The following IL23R variants were observed in gnomAD, a reference collection of about 807,000 sequenced individuals.
IL23R encodes the protein interleukin-23 receptor.
Under a neutral mutation model 56.9 loss-of-function variants are expected in IL23R, and 34 were observed. The observed-to-expected ratio is 0.60, with a 90% CI of 0.45 to 0.80. The LOEUF is 0.80. Among genes scored for constraint, IL23R ranks in the 30% least tolerant of loss-of-function variants. IL23R has a pLI of 0.00. For synonymous variants in IL23R, 230 were observed against 249.2 expected (o/e 0.92, Z 0.73); for missense variants, 635 against 730.0 (o/e 0.87, Z 1.50).
intron 7 of IL23R, among the ~76,000 whole-genome samples, chr1:67,227,982 CTTTCTT>C (rs1558253936): frequency 8.9e-5 from 8 of 89,530 alleles, no homozygotes; most frequent in South Asian, 3.1e-4. Context: ...TTCTTTCTTT[CTTTCTT>C]TCTTTCTTTC....
chr1:67,247,245 G>T (rs992199816), intron 9 of IL23R, among the ~76,000 whole-genome samples: 3 of 150,470 alleles, frequency 2.0e-5, no homozygotes, highest in African/African-American at 7.3e-5. Context: ...CTACTGATGG[G>T]TCTTATTCTT....
At chr1:67,256,814 G>A (rs1652977489) in intron 10 of IL23R, among the ~76,000 whole-genome samples, 1 of 152,170 alleles carries the variant, frequency 6.6e-6, no homozygotes, top group Non-Finnish European at 1.5e-5. Flanking sequence ...GCTCTGGTAA[G>A]CCTATTAGCT....
intron 4 of IL23R, among the ~76,000 whole-genome samples, chr1:67,195,152 C>T (rs1461032211): frequency 6.6e-6 from 1 of 152,210 alleles, no homozygotes; most frequent in Non-Finnish European, 1.5e-5. Context: ...CAATCCTCAG[C>T]TTCCTGAGTA....
downstream of IL23R, among the ~76,000 whole-genome samples, chr1:67,261,082 CTT>C (rs34219944): frequency 6.9e-6 from 1 of 144,224 alleles, no homozygotes. Flanking sequence ...TTTTGTTTTA[CTT>C]TTTTTTTTTT....
chr1:67,201,094 T>C (rs113502998), intron 5 of IL23R, among the ~76,000 whole-genome samples, 197 bp downstream of exon 5: 9 of 147,274 alleles, frequency 6.1e-5, no homozygotes, highest in African/African-American at 2.0e-4. Flanking sequence ...TGTATATCCT[T>C]CCAGTCTTAT....
At chr1:67,246,326 A>G (rs1652220588) in intron 9 of IL23R, among the ~76,000 whole-genome samples, 1 of 151,732 alleles carries the variant, frequency 6.6e-6, no homozygotes, top group African/African-American at 2.4e-5. Context: ...TGCTTCTCTG[A>G]TCTTAGTTAC....
rs1558254039 is a variant in IL23R, at chr1:67,228,011, TTTCTTTCTTCC to T, written c.955+8284_955+8294del. Among the ~76,000 whole-genome samples the T allele has an allele frequency of 3.7e-3, 357 of 96,306 alleles. 43 individuals are homozygous for T. Among genetic ancestry groups the T allele is most frequent in the African/African-American group, 9.3e-3 (218 of 23,418 alleles). 63.2% of individuals were successfully genotyped at this position (96,306 alleles called of 152,430 possible). ...CTTTCTTTCTTTCTTTCTTTCTTTC[TTTCTTTCTTCC>T]TTTCTTTCTTTTCTTTCTTTCTCTT... On this transcript the variant is annotated intron_variant, in intron 7 of 10. Transcript: ENST00000347310.
At chr1:67,227,763 C>T (rs1650713880) in intron 7 of IL23R, among the ~76,000 whole-genome samples, 1 of 152,068 alleles carries the variant, frequency 6.6e-6, no homozygotes, top group South Asian at 2.1e-4. Flanking sequence ...GGTTACTAAC[C>T]CATGTTAAAC....
intron 4 of IL23R, among the ~76,000 whole-genome samples, chr1:67,189,827 C>T (rs1008252842): frequency 1.1e-4 from 16 of 151,960 alleles, no homozygotes; most frequent in Non-Finnish European, 1.6e-4. Flanking sequence ...GGCGTGTTGG[C>T]GGGTGCCTGG....
At chr1:67,147,887 CT>C (rs908167817) in intron 1 of IL23R, among the ~76,000 whole-genome samples, 2 of 151,582 alleles carry the variant, frequency 1.3e-5, no homozygotes, top group Admixed American at 6.6e-5. Flanking sequence ...GGTCTTTGTT[CT>C]TAGAGCTCCC....
At position 67,195,847 on chromosome 1, in the gene IL23R, C is replaced by T. The variant is rs537381402; in HGVS notation, c.492-4890C>T. Reference sequence around the variant, plus strand: ...TATAGTACTTAGATGCACACATCTGCTTATTGCTTGGTATTAATAGCATAA... The same window carrying T: ...TATAGTACTTAGATGCACACATCTGTTTATTGCTTGGTATTAATAGCATAA... On this transcript the variant is annotated intron_variant, in intron 4 of 10. Coordinates refer to ENST00000347310, the MANE Select transcript of IL23R (RefSeq NM_144701.3). Among the ~76,000 whole-genome samples the T allele has an allele frequency of 5.9e-5, 9 of 152,222 alleles. No homozygotes were observed. In the South Asian group the frequency reaches 1.7e-3, roughly 28 times the overall value.
At chr1:67,164,713 T>C (rs1646855306), upstream of IL23R, among the ~76,000 whole-genome samples, 1 of 152,042 alleles carries the variant, frequency 6.6e-6, no homozygotes, top group African/African-American at 2.4e-5. Context: ...CATAGCCTCC[T>C]AACTGGGCTC....
At chr1:67,167,072 C>T (rs547495706) in intron 1 of IL23R, among the ~76,000 whole-genome samples, 24 of 152,160 alleles carry the variant, frequency 1.6e-4, no homozygotes, top group Non-Finnish European at 2.9e-4. Flanking sequence ...GTGTTCCTTT[C>T]GCGTTCTCTA....
intron 1 of IL23R, among the ~76,000 whole-genome samples, chr1:67,150,086 A>G (rs780168566): frequency 2.0e-4 from 30 of 152,020 alleles, no homozygotes; most frequent in Admixed American, 1.6e-3. Context: ...TCTATAGTCT[A>G]TATCTAATTT....
At position 67,194,132 on chromosome 1, in the gene IL23R, A is replaced by G. The variant is rs1046103305; in HGVS notation, c.492-6605A>G. 2.0e-5 allele frequency among the ~76,000 whole-genome samples: 3 copies of G among 152,230 alleles called. No individual in the cohort carries two copies. In the East Asian group the frequency reaches 5.8e-4, roughly 29 times the overall value. On this transcript the variant is annotated intron_variant, in intron 4 of 10. Transcript: ENST00000347310. ...CATGCGGGAACACCACCCTGCAGGC[A>G]TCCTCATATGTTCAGATATCTGGAA...
chr1:67,207,918 C>T (rs1170744776), intron 6 of IL23R, among the ~76,000 whole-genome samples: 1 of 152,144 alleles, frequency 6.6e-6, no homozygotes, highest in Non-Finnish European at 1.5e-5. Flanking sequence ...TTTGGAACTT[C>T]CTGGAGACTT....
chr1:67,240,764 G>A (rs1314888881), intron 9 of IL23R, among the ~76,000 whole-genome samples: 1 of 152,194 alleles, frequency 6.6e-6, no homozygotes, highest in Non-Finnish European at 1.5e-5. Flanking sequence ...ATGAATGTGC[G>A]AATTGGGCAG....
At chr1:67,241,310 C>T (rs1329833480) in intron 9 of IL23R, among the ~76,000 whole-genome samples, 1 of 152,188 alleles carries the variant, frequency 6.6e-6, no homozygotes, top group Non-Finnish European at 1.5e-5. Flanking sequence ...TATGCTGGAA[C>T]ATCCTGTTTA....
chr1:67,252,409 T>C (rs945115064), intron 9 of IL23R, among the ~76,000 whole-genome samples: 2 of 152,224 alleles, frequency 1.3e-5, no homozygotes, highest in African/African-American at 4.8e-5. Flanking sequence ...TGTTAATTAC[T>C]GATCAAATCC....
Sources: gnomAD v4.1 joint callset for allele counts (sites outside exome capture counted in the v4.1 genomes callset) on GRCh38, gnomAD v4.1.1 for gene constraint, MANE v1.5 for transcripts, NCBI Gene and HGNC (gene_info 2026-07-23, HGNC 2026-07-21) for gene names.